WIPI2: variants seen among roughly 807,000 people sequenced by gnomAD.
WIPI2 encodes the protein WD repeat domain, phosphoinositide interacting 2.
A neutral mutation model predicts 52.3 loss-of-function variants in WIPI2; 28 were observed. That is an observed-to-expected ratio of 0.54 (90% CI 0.40 to 0.73). WIPI2 has a LOEUF of 0.73. Among genes scored for constraint, WIPI2 ranks in the 30% least tolerant of loss-of-function variants. The pLI, the probability that WIPI2 is intolerant of heterozygous loss-of-function variation, is 0.00. For synonymous variants in WIPI2, 268 were observed against 245.0 expected (o/e 1.09, Z -0.88); for missense variants, 506 against 602.9 (o/e 0.84, Z 1.68).
chr7:5,214,614 G>A lies in WIPI2; in HGVS notation c.291G>A (p.Arg97=). The part of the protein sequence containing the change: ...LVAIVSLKAP[R]KLKVCHFKKG... ...CCATCGTCAGCCTTAAAGCACCAAG[G>A]AAGCTAAAGGTTTGCCACTTTAAGA... is the stretch of plus-strand genomic sequence containing the variant. Residue 97 remains arginine, a synonymous_variant, in exon 4 of 13, where the codon AGG becomes AGA. Transcript: ENST00000288828. The A allele has an allele frequency of 6.2e-7, 1 of 1,614,256 alleles. No homozygotes were observed. The highest frequency in any genetic ancestry group is 2.2e-5 in the East Asian group (1 of 44,890).
intron 4 of WIPI2, 23 bp downstream of exon 4, chr7:5,214,727 G>T (rs749646641): frequency 6.2e-7 from 1 of 1,612,118 alleles, no homozygotes; most frequent in Non-Finnish European, 8.5e-7. Context: ...CCAGCTGGGT[G>T]TGGGCTTGTC....
chr7:5,229,976 C>T (rs1182112604), intron 12 of WIPI2, among the ~76,000 whole-genome samples: 1 of 150,464 alleles, frequency 6.6e-6, no homozygotes, highest in African/African-American at 2.5e-5. Flanking sequence ...CCCTATGTTG[C>T]CCAGGGTGGT....
At chr7:5,217,855 A>T (rs1782899950) in intron 6 of WIPI2, 67 bp from the exon 7 acceptor site, 2 of 1,533,178 alleles carry the variant, frequency 1.3e-6, no homozygotes, top group African/African-American at 2.7e-5. Context: ...TTGCGGACCA[A>T]GTGTCAGCCC....
At chr7:5,216,849 A>C (rs956879032) in intron 5 of WIPI2, 190 bp downstream of exon 5, 2 of 702,264 alleles carry the variant, frequency 2.8e-6, no homozygotes, top group African/African-American at 1.8e-5. Flanking sequence ...GGTTTGATCA[A>C]CTTTCAAGTT....
At position 5,202,678 on chromosome 7, in the gene WIPI2, A is replaced by G. The variant is rs567181017; in HGVS notation, c.211+3020A>G. Among the ~76,000 whole-genome samples the G allele has an allele frequency of 3.9e-5, 6 of 152,136 alleles. No homozygotes were observed. In the South Asian group the frequency reaches 1.2e-3, roughly 31 times the overall value. ...TGGGATTATAGGCGTGAGCCACTGCATCCAGCCTCTCATATGATCAGTGCT... is the reference window on the plus strand; with the variant it reads ...TGGGATTATAGGCGTGAGCCACTGCGTCCAGCCTCTCATATGATCAGTGCT... On this transcript the variant is annotated intron_variant, in intron 3 of 12. Coordinates refer to ENST00000288828, the MANE Select transcript of WIPI2 (RefSeq NM_015610.4).
intron 7 of WIPI2, among the ~76,000 whole-genome samples, chr7:5,221,431 A>G (rs1225440648): frequency 6.6e-6 from 1 of 152,200 alleles, no homozygotes; most frequent in South Asian, 2.1e-4. Flanking sequence ...AAATTTGTAT[A>G]GTAGGAGGGT....
In WIPI2 at chr7:5,227,922, C is replaced by T. The variant is rs1783519486; in HGVS notation, c.1014-182C>T. ...CTCGTCTCCCGTGGGCTTCAGGGCT[C>T]AGCACACGAGTGCAGCCTTGGCCGT... On this transcript the variant is annotated intron_variant, in intron 10 of 12. Coordinates refer to ENST00000288828, the MANE Select transcript of WIPI2 (RefSeq NM_015610.4). The surrounding 1 kb of genome is among the most constrained non-coding windows in gnomAD (Gnocchi z 8.1). Among the ~76,000 whole-genome samples the T allele has an allele frequency of 6.6e-6, 1 of 152,238 alleles. No individual in the cohort carries two copies.
At chr7:5,211,437 A>C (rs903044290) in intron 3 of WIPI2, among the ~76,000 whole-genome samples, 10 of 152,160 alleles carry the variant, frequency 6.6e-5, no homozygotes, top group Admixed American at 1.3e-4. Context: ...ACGCCATTGC[A>C]CTCCAGCCTG....
chr7:5,218,183 G>A, intron 7 of WIPI2, 169 bp downstream of exon 7: 1 of 626,088 alleles, frequency 1.6e-6, no homozygotes. Flanking sequence ...CCGAGAGTGA[G>A]CGGAGCTTGC....
intron 3 of WIPI2, among the ~76,000 whole-genome samples, chr7:5,200,114 C>T (rs1781951726): frequency 6.6e-6 from 1 of 152,186 alleles, no homozygotes. Context: ...AGGTCATGCG[C>T]TTTGGCCTCT....
chr7:5,194,525 C>A (rs1215585726), intron 2 of WIPI2, among the ~76,000 whole-genome samples: 1 of 152,188 alleles, frequency 6.6e-6, no homozygotes, highest in East Asian at 1.9e-4. Context: ...CGGAGACTTT[C>A]AGTTAAAAAT....
Position 5,214,656 on chromosome 7 carries a change from CA to C in WIPI2, c.335del (p.Asn112ThrfsTer11). 6.2e-7 allele frequency: 1 copy of C among 1,614,236 alleles called. No individual in the cohort carries two copies. Among genetic ancestry groups the C allele is most frequent in the Non-Finnish European group, 8.5e-7 (1 of 1,180,046 alleles). ...CHFKKGTEIC[N>X]YSYSNTILAV... ...ACTTTAAGAAGGGAACTGAGATCTG[CA>C]ACTACAGCTACTCCAACACGATTCT... On this transcript the variant is annotated frameshift_variant, in exon 4 of 13. Coordinates refer to ENST00000288828, the MANE Select transcript of WIPI2 (RefSeq NM_015610.4). LOFTEE classifies it high-confidence loss of function.
In WIPI2 at chr7:5,223,804, C is replaced by A. The variant is rs543928046; in HGVS notation, c.740+1132C>A. Among the ~76,000 whole-genome samples, 1,162 of 152,324 alleles carry A rather than the reference C, an allele frequency of 7.6e-3. 8 individuals are homozygous for A. The highest frequency in any genetic ancestry group is 0.013 in the Non-Finnish European group (868 of 68,032). ...CTTGGTAAATAGCGCCACTTGCCAC[C>A]CCCGCCAGCACCCTGGCACCCAAGC... On this transcript the variant is annotated intron_variant, in intron 8 of 12. Transcript: ENST00000288828.
In WIPI2 at chr7:5,231,121, C is replaced by G. The variant is rs1452330392; in HGVS notation, c.*174C>G. The G allele has an allele frequency of 2.3e-6, 1 of 441,566 alleles. No individual in the cohort carries two copies. The highest frequency in any genetic ancestry group is 4.3e-5 in the Admixed American group (1 of 23,232). 27.4% of individuals were successfully genotyped at this position (441,566 alleles called of 1,614,324 possible). A position where few individuals can be genotyped will look rare whatever the true frequency, so the allele number is the denominator to read the frequency against. ...ACTCCATAACGCTGAGGAAATACAT[C>G]ATTTTCACTTCAGTGGCTTTTAAAT... is the stretch of plus-strand genomic sequence containing the variant. On this transcript the variant is annotated 3_prime_UTR_variant, in exon 13 of 13. Coordinates refer to ENST00000288828, the MANE Select transcript of WIPI2 (RefSeq NM_015610.4).
intron 3 of WIPI2, among the ~76,000 whole-genome samples, chr7:5,212,463 G>A (rs73048032): frequency 0.031 from 4,662 of 152,268 alleles, 97 homozygotes; most frequent in Middle Eastern, 0.099. Context: ...TCTGGCTGCC[G>A]GATTTGAGAA....
intron 7 of WIPI2, among the ~76,000 whole-genome samples, chr7:5,222,228 C>A (rs1783178541): frequency 6.6e-6 from 1 of 152,202 alleles, no homozygotes; most frequent in African/African-American, 2.4e-5. Flanking sequence ...GGATTACAGG[C>A]GTGAGCCACC....
chr7:5,225,065 A>G (rs959066379), intron 8 of WIPI2, among the ~76,000 whole-genome samples: 3 of 152,054 alleles, frequency 2.0e-5, no homozygotes, highest in Non-Finnish European at 2.9e-5. Context: ...ACATGAATTT[A>G]GTGGCTTTGG....
chr7:5,197,222 C>T (rs1781799567), intron 2 of WIPI2, among the ~76,000 whole-genome samples: 1 of 148,174 alleles, frequency 6.7e-6, no homozygotes, highest in African/African-American at 2.5e-5. Flanking sequence ...CTCGAAAGAA[C>T]TTGTCATCCC....
At chr7:5,199,379 C>T (rs1321439678) in intron 2 of WIPI2, among the ~76,000 whole-genome samples, 197 bp from the exon 3 acceptor site, 1 of 152,148 alleles carries the variant, frequency 6.6e-6, no homozygotes, top group Non-Finnish European at 1.5e-5. Context: ...ATAATATTGT[C>T]TGTATTTTAT....
Sources: gnomAD v4.1 joint callset for allele counts (sites outside exome capture counted in the v4.1 genomes callset) on GRCh38, gnomAD v4.1.1 for gene constraint, Gnocchi (gnomAD v3.1) non-coding constraint, MANE v1.5 for transcripts, NCBI Gene and HGNC (gene_info 2026-07-23, HGNC 2026-07-21) for gene names.